Variants in DENND5B observed in about 807,000 individuals in gnomAD.
DENND5B encodes DENN domain containing 5B.
DENND5B carries 34 observed loss-of-function variants against 140.6 expected under a neutral mutation model. That is an observed-to-expected ratio of 0.24 (90% CI 0.18 to 0.32). The LOEUF (loss-of-function observed/expected upper bound fraction) is 0.32. DENND5B is among the 10% of genes least tolerant of loss of function. The pLI, the probability that DENND5B is intolerant of heterozygous loss-of-function variation, is 1.00. For synonymous variants in DENND5B, 551 were observed against 562.1 expected (o/e 0.98, Z 0.28); for missense variants, 1,142 against 1,560.2 (o/e 0.73, Z 4.52).
intron 1 of DENND5B, among the ~76,000 whole-genome samples, chr12:31,504,320 T>C (rs1947113487): frequency 6.6e-6 from 1 of 152,174 alleles, no homozygotes; most frequent in Non-Finnish European, 1.5e-5. Flanking sequence ...ACATGAAATA[T>C]AGCACAAAAG....
chr12:31,426,622 T>C (rs753129155), intron 8 of DENND5B, 198 bp from the exon 9 acceptor site: 2 of 497,858 alleles, frequency 4.0e-6, no homozygotes, highest in Non-Finnish European at 6.9e-6. Flanking sequence ...TGTTAACTCC[T>C]GTGAGAAGTA....
intron 8 of DENND5B, among the ~76,000 whole-genome samples, chr12:31,428,964 C>T (rs1237813803): frequency 1.3e-5 from 2 of 152,142 alleles, no homozygotes; most frequent in Non-Finnish European, 2.9e-5. Context: ...ATCTCCTGAC[C>T]TCGTGATCCA....
intron 1 of DENND5B, among the ~76,000 whole-genome samples, chr12:31,526,239 T>C (rs907351038): frequency 4.6e-5 from 7 of 152,152 alleles, no homozygotes; most frequent in African/African-American, 1.4e-4. Context: ...ACAGGGTAGG[T>C]ACCTAACACG....
rs1189332636 is a variant in DENND5B, at chr12:31,478,623, C to T, written c.904+966G>A. 2.0e-5 allele frequency among the ~76,000 whole-genome samples: 3 copies of T among 152,124 alleles called. No individual in the cohort carries two copies. The East Asian group carries it at 5.8e-4, about 29-fold the overall frequency. On this transcript the variant is annotated intron_variant, in intron 3 of 20. Coordinates refer to ENST00000389082, the MANE Select transcript of DENND5B (RefSeq NM_144973.4). The stretch of plus-strand genomic sequence containing the variant: ...GGGTGAGGTGGGAAGACAGCTTGAG[C>T]ACGGGATGTCAAGGTTGCAGTGACC...
intron 1 of DENND5B, among the ~76,000 whole-genome samples, chr12:31,584,145 A>C (rs1434171558): frequency 6.6e-6 from 1 of 152,210 alleles, no homozygotes; most frequent in East Asian, 1.9e-4. Flanking sequence ...AAGGATGTGC[A>C]CAGGAATTTT....
At chr12:31,400,837 GT>G (rs368442172) in intron 15 of DENND5B, among the ~76,000 whole-genome samples, 1 of 113,968 alleles carries the variant, frequency 8.8e-6, no homozygotes, top group Non-Finnish European at 1.8e-5. Flanking sequence ...AGAGCTACGA[GT>G]TTTTTTTTTT....
intron 1 of DENND5B, among the ~76,000 whole-genome samples, chr12:31,542,050 G>A (rs1393750556): frequency 6.6e-6 from 1 of 152,186 alleles, no homozygotes; most frequent in Non-Finnish European, 1.5e-5. Flanking sequence ...CACTTTGGGA[G>A]GCCAAAACGG....
chr12:31,515,965 T>C (rs1947623430), intron 1 of DENND5B, among the ~76,000 whole-genome samples: 1 of 152,190 alleles, frequency 6.6e-6, no homozygotes, highest in Non-Finnish European at 1.5e-5. Flanking sequence ...TTAGAGCATA[T>C]CTTAAAATAA....
At chr12:31,389,649 G>A (rs983114998) in intron 19 of DENND5B, among the ~76,000 whole-genome samples, 151 bp from the exon 20 acceptor site, 8 of 152,162 alleles carry the variant, frequency 5.3e-5, no homozygotes, top group African/African-American at 1.9e-4. Flanking sequence ...TGATTTTAGG[G>A]GTCGATGTTT....
chr12:31,531,242 C>T (rs1948267492), intron 1 of DENND5B, among the ~76,000 whole-genome samples: 1 of 152,132 alleles, frequency 6.6e-6, no homozygotes, highest in Non-Finnish European at 1.5e-5. Context: ...CTCTGTCACC[C>T]AGGCTGGAGT....
intron 1 of DENND5B, among the ~76,000 whole-genome samples, chr12:31,553,529 T>C (rs1367099270): frequency 6.6e-6 from 1 of 152,190 alleles, no homozygotes; most frequent in African/African-American, 2.4e-5. Flanking sequence ...CTGCAAAGAA[T>C]GTATATTCTG....
chr12:31,512,167 G>A (rs768838443), intron 1 of DENND5B, among the ~76,000 whole-genome samples: 9 of 151,312 alleles, frequency 5.9e-5, no homozygotes, highest in African/African-American at 1.5e-4. Flanking sequence ...TGCCCGCCTC[G>A]GCCTCCTAAA....
intron 3 of DENND5B, chr12:31,465,388 G>C (rs1166724006): frequency 1.3e-5 from 2 of 152,850 alleles, no homozygotes; most frequent in Non-Finnish European, 2.9e-5. Context: ...TTATTTTTGA[G>C]ATGGAATCTC....
At chr12:31,403,970 T>C (rs1170963760) in intron 14 of DENND5B, among the ~76,000 whole-genome samples, 1 of 145,970 alleles carries the variant, frequency 6.9e-6, no homozygotes, top group Non-Finnish European at 1.5e-5. Context: ...TAATCCTACC[T>C]AGCACCTTGG....
At chr12:31,420,919 T>C (rs185482362) in intron 11 of DENND5B, among the ~76,000 whole-genome samples, 8 of 152,348 alleles carry the variant, frequency 5.3e-5, no homozygotes, top group Admixed American at 5.2e-4. Flanking sequence ...ATCTTTCCAT[T>C]CCTCTGCAAC....
intron 4 of DENND5B, among the ~76,000 whole-genome samples, chr12:31,455,696 C>A (rs1047309667): frequency 3.3e-5 from 5 of 152,142 alleles, no homozygotes; most frequent in African/African-American, 1.2e-4. Flanking sequence ...TGCTCACAAG[C>A]CTTCATGATA....
intron 9 of DENND5B, among the ~76,000 whole-genome samples, chr12:31,425,581 A>G (rs1242945258): frequency 6.6e-6 from 1 of 152,260 alleles, no homozygotes; most frequent in Non-Finnish European, 1.5e-5. Context: ...AAATGGAAAG[A>G]AAATGGAAAT....
chr12:31,447,810 C>A, intron 5 of DENND5B, 41 bp from the exon 6 acceptor site: 1 of 1,345,746 alleles, frequency 7.4e-7, no homozygotes, highest in South Asian at 1.3e-5. Flanking sequence ...GCAAAGAGAC[C>A]ATCTCAACAC....
chr12:31,551,631 T>C (rs534814350), intron 1 of DENND5B, among the ~76,000 whole-genome samples: 36 of 152,326 alleles, frequency 2.4e-4, no homozygotes, highest in Middle Eastern at 3.4e-3. Flanking sequence ...GGGGATGGCA[T>C]TGAATCTATA....
Sources: gnomAD v4.1 joint callset for allele counts (sites outside exome capture counted in the v4.1 genomes callset) on GRCh38, gnomAD v4.1.1 for gene constraint, MANE v1.5 for transcripts, NCBI Gene and HGNC (gene_info 2026-07-23, HGNC 2026-07-21) for gene names.